Variants in RAPGEF5 observed in about 807,000 individuals in gnomAD.
RAPGEF5 encodes the protein M-Ras-regulated GEF.
In RAPGEF5, 65 loss-of-function variants were observed where a neutral mutation model predicts 125.2. The observed-to-expected ratio is 0.52, with a 90% confidence interval of 0.43 to 0.64. RAPGEF5 has a LOEUF of 0.64. Among genes scored for constraint, RAPGEF5 ranks in the 30% least tolerant of loss-of-function variants. The probability of loss-of-function intolerance (pLI) is 0.00; values close to 1 mark genes in which losing one functional copy is unlikely to be tolerated. For synonymous variants in RAPGEF5, 391 were observed against 385.9 expected (o/e 1.01, Z -0.16); for missense variants, 958 against 1,048.1 (o/e 0.91, Z 1.19).
intron 9 of RAPGEF5, among the ~76,000 whole-genome samples, chr7:22,201,924 G>C (rs1329092071): frequency 6.6e-6 from 1 of 152,176 alleles, no homozygotes; most frequent in Non-Finnish European, 1.5e-5. Flanking sequence ...TGGCTGGTTT[G>C]GTTTGGTTTT....
chr7:22,265,803 T>C (rs1286521443), intron 7 of RAPGEF5, among the ~76,000 whole-genome samples: 1 of 152,234 alleles, frequency 6.6e-6, no homozygotes, highest in Non-Finnish European at 1.5e-5. Flanking sequence ...TCAATGTGAT[T>C]TTGATTTGCA....
At position 22,310,101 on chromosome 7, in the gene RAPGEF5, G is replaced by T; in HGVS notation, c.390-11C>A. 1 of 1,541,166 alleles carries T rather than the reference G, an allele frequency of 6.5e-7. No individual in the cohort carries two copies. Among genetic ancestry groups the T allele is most frequent in the Non-Finnish European group, 8.7e-7 (1 of 1,150,234 alleles). On this transcript the variant is annotated splice_polypyrimidine_tract_variant and intron_variant, in intron 3 of 25. Transcript: ENST00000665637. The stretch of plus-strand genomic sequence containing the variant: ...CCAACGCAGCTCCTCCTGAACAAAA[G>T]CAAAGCCATTCACAGTAAGATATTG...
At position 22,316,481 on chromosome 7, in the gene RAPGEF5, ATATATATATTTTTTTT is replaced by A. The variant is rs1257433296; in HGVS notation, c.283-1021_283-1006del. On this transcript the variant is annotated intron_variant, in intron 2 of 25. Transcript: ENST00000665637. Reference sequence around the variant, plus strand: ...TAGACATATATATATATATATATATATATATATATTTTTTTTTTTTTTTTTTTGAGGCAGGGTCTTG... The same window carrying A: ...TAGACATATATATATATATATATATATTTTTTTTTTTGAGGCAGGGTCTTG... Among the ~76,000 whole-genome samples, 89 of 42,582 alleles carry A rather than the reference ATATATATATTTTTTTT, an allele frequency of 2.1e-3. 1 individual carries two copies. The highest frequency in any genetic ancestry group is 6.7e-3 in the East Asian group (10 of 1,486). 27.9% of individuals were successfully genotyped at this position (42,582 alleles called of 152,430 possible).
intron 7 of RAPGEF5, among the ~76,000 whole-genome samples, chr7:22,240,779 T>C (rs1344042272): frequency 2.0e-5 from 3 of 152,190 alleles, no homozygotes; most frequent in Non-Finnish European, 4.4e-5. Flanking sequence ...CAACGATTCC[T>C]AGATATTGCA....
At chr7:22,221,310 T>C (rs1785783210) in intron 8 of RAPGEF5, among the ~76,000 whole-genome samples, 1 of 152,172 alleles carries the variant, frequency 6.6e-6, no homozygotes, top group Non-Finnish European at 1.5e-5. Context: ...CTTATTCTTA[T>C]CACACTAGAC....
chr7:22,118,349 A>G lies in RAPGEF5; in HGVS notation c.*4057T>C, dbSNP rs1286304696. Reference sequence around the variant, plus strand: ...ATATTTGGAAAAGCAGTTTTAAAAAAAAATTGAAAATACAAGATAAGGTAA... The same window carrying G: ...ATATTTGGAAAAGCAGTTTTAAAAAGAAATTGAAAATACAAGATAAGGTAA... On this transcript the variant is annotated 3_prime_UTR_variant, in exon 26 of 26. Coordinates refer to ENST00000665637, the MANE Select transcript of RAPGEF5 (RefSeq NM_012294.5). 2 of 152,634 alleles carry G rather than the reference A, an allele frequency of 1.3e-5. No homozygotes were observed. Among genetic ancestry groups the G allele is most frequent in the Non-Finnish European group, 2.9e-5 (2 of 68,042 alleles). The allele number at this position is 152,634 out of a possible 1,614,324, so 9.5% of individuals were successfully genotyped here.
At chr7:22,354,289 G>A (rs1260865884) in intron 1 of RAPGEF5, among the ~76,000 whole-genome samples, 2 of 152,158 alleles carry the variant, frequency 1.3e-5, no homozygotes, top group African/African-American at 4.8e-5. Flanking sequence ...AATGCACAAA[G>A]CTGTGTCTTT....
chr7:22,130,396 G>C (rs1419695133), intron 24 of RAPGEF5, among the ~76,000 whole-genome samples: 1 of 152,196 alleles, frequency 6.6e-6, no homozygotes, highest in Non-Finnish European at 1.5e-5. Flanking sequence ...GGAAGCAGTG[G>C]TTCAGAAACA....
At position 22,136,131 on chromosome 7, in the gene RAPGEF5, G is replaced by A. The variant is rs181949034; in HGVS notation, c.2329-6C>T. 3.7e-4 allele frequency: 587 copies of A among 1,588,352 alleles called. 4 individuals are homozygous for A. The East Asian group carries it at 0.01, about 28-fold the overall frequency. Reference sequence around the variant, plus strand: ...TTGTGATTTAGGGAAGGATCCTGCCGAACCAAGCAGATTACAAAGAGAAAG... The same window carrying A: ...TTGTGATTTAGGGAAGGATCCTGCCAAACCAAGCAGATTACAAAGAGAAAG... On this transcript the variant is annotated splice_region_variant and splice_polypyrimidine_tract_variant and intron_variant, in intron 22 of 25. Coordinates refer to ENST00000665637, the MANE Select transcript of RAPGEF5 (RefSeq NM_012294.5).
At chr7:22,272,342 C>CAAAA (rs1282857477) in intron 6 of RAPGEF5, among the ~76,000 whole-genome samples, 77 of 34,620 alleles carry the variant, frequency 2.2e-3, no homozygotes, top group East Asian at 3.4e-3. Flanking sequence ...GACTCCGTCT[C>CAAAA]AAAAAAAAAA....
chr7:22,130,891 G>T, intron 24 of RAPGEF5, 146 bp downstream of exon 24: 1 of 1,126,730 alleles, frequency 8.9e-7, no homozygotes, highest in East Asian at 2.7e-5. Flanking sequence ...CAGCAAATAA[G>T]CTCCTTGAAT....
chr7:22,246,701 T>C (rs568380552), intron 7 of RAPGEF5, among the ~76,000 whole-genome samples: 2 of 152,224 alleles, frequency 1.3e-5, no homozygotes, highest in Non-Finnish European at 2.9e-5. Flanking sequence ...TCAAAAGCAA[T>C]TGCAGCAAAA....
chr7:22,118,479 A>G lies in RAPGEF5; in HGVS notation c.*3927T>C, dbSNP rs949576757. ...ACACAGCACAGTCATATACATATAT[A>G]TTATATATATACACAGAGGCAGAAA... is the stretch of plus-strand genomic sequence containing the variant. On this transcript the variant is annotated 3_prime_UTR_variant, in exon 26 of 26. Transcript: ENST00000665637. 6.6e-6 allele frequency: 1 copy of G among 152,646 alleles called. No homozygotes were observed. The highest frequency in any genetic ancestry group is 6.5e-5 in the Admixed American group (1 of 15,284). The allele number at this position is 152,646 out of a possible 1,614,324, so 9.5% of individuals were successfully genotyped here. A position where few individuals can be genotyped will look rare whatever the true frequency, so the allele number is the denominator to read the frequency against.
chr7:22,252,315 T>C (rs1786643864), intron 7 of RAPGEF5, among the ~76,000 whole-genome samples: 1 of 152,202 alleles, frequency 6.6e-6, no homozygotes, highest in East Asian at 1.9e-4. Flanking sequence ...TCAAATTCCC[T>C]ACAATAGGAA....
intron 6 of RAPGEF5, 31 bp from the exon 7 acceptor site, chr7:22,267,043 T>C (rs1265619129): frequency 1.3e-6 from 2 of 1,568,290 alleles, no homozygotes; most frequent in Non-Finnish European, 1.7e-6. Context: ...AAAATCAAAT[T>C]AGAAGAAGAA....
chr7:22,141,730 C>T (rs973916774), intron 20 of RAPGEF5, among the ~76,000 whole-genome samples: 3 of 152,252 alleles, frequency 2.0e-5, no homozygotes, highest in African/African-American at 7.2e-5. Flanking sequence ...GTCTGTCCCT[C>T]TCATGGTCCT....
intron 6 of RAPGEF5, among the ~76,000 whole-genome samples, chr7:22,268,632 A>C (rs78596794): frequency 6.6e-6 from 1 of 152,178 alleles, no homozygotes; most frequent in South Asian, 2.1e-4. Context: ...AGATTCTATG[A>C]TCTCCCAGGG....
chr7:22,288,724 G>A (rs1057170060), intron 6 of RAPGEF5, among the ~76,000 whole-genome samples: 9 of 151,932 alleles, frequency 5.9e-5, no homozygotes, highest in East Asian at 3.9e-4. Context: ...GGGTTTCACC[G>A]TGTTAGCCAG....
At chr7:22,200,836 A>G (rs1454339259) in intron 9 of RAPGEF5, among the ~76,000 whole-genome samples, 1 of 152,200 alleles carries the variant, frequency 6.6e-6, no homozygotes, top group Non-Finnish European at 1.5e-5. Flanking sequence ...TCAGCTAGTA[A>G]CCTACTGCAC....
Sources: gnomAD v4.1 joint callset for allele counts (sites outside exome capture counted in the v4.1 genomes callset) on GRCh38, gnomAD v4.1.1 for gene constraint, MANE v1.5 for transcripts, NCBI Gene and HGNC (gene_info 2026-07-23, HGNC 2026-07-21) for gene names.